CSMD1: variants seen among roughly 807,000 people sequenced by gnomAD.
The protein encoded by CSMD1 is CUB and sushi domain-containing protein 1.
A neutral mutation model predicts 417.5 loss-of-function variants in CSMD1; 213 were observed. The ratio of observed to expected loss-of-function variants is 0.51; its 90% confidence interval spans 0.46 to 0.57. CSMD1 has a LOEUF of 0.57. CSMD1 is among the 20% of genes least tolerant of loss of function. CSMD1 has a pLI of 0.00. For synonymous variants in CSMD1, 2,862 were observed against 1,736.8 expected, an observed-to-expected ratio of 1.65 and a Z score of -16.11; for missense variants, 6,923 against 4,529.7, an observed-to-expected ratio of 1.53 and a Z score of -15.17.
chr8:4,838,743 A>G (rs1800655801), intron 1 of CSMD1, among the ~76,000 whole-genome samples: 1 of 152,170 alleles, frequency 6.6e-6, no homozygotes, highest in South Asian at 2.1e-4. Flanking sequence ...ATCGGCTCAA[A>G]TGAAGACTAA....
chr8:4,499,154 C>T (rs1020993530), intron 2 of CSMD1, among the ~76,000 whole-genome samples: 4 of 152,120 alleles, frequency 2.6e-5, no homozygotes, highest in Non-Finnish European at 4.4e-5. Context: ...ACAAAACCAA[C>T]AGGAAGATGC....
chr8:3,851,288 G>T (rs1284577972), intron 5 of CSMD1, among the ~76,000 whole-genome samples: 1 of 152,182 alleles, frequency 6.6e-6, no homozygotes, highest in East Asian at 1.9e-4. Flanking sequence ...TTTAGGGACT[G>T]GTCTTTTCAT....
intron 12 of CSMD1, among the ~76,000 whole-genome samples, chr8:3,462,551 C>A (rs1816571884): frequency 6.6e-6 from 1 of 152,216 alleles, no homozygotes. Context: ...ACCTGATGAT[C>A]TGTCACTGTC....
At chr8:4,758,629 A>G (rs1231144699) in intron 1 of CSMD1, among the ~76,000 whole-genome samples, 1 of 152,186 alleles carries the variant, frequency 6.6e-6, no homozygotes, top group Non-Finnish European at 1.5e-5. Flanking sequence ...TCAGTTCCAC[A>G]TGGCTGGGGA....
chr8:4,617,629 C>G (rs965613255), intron 2 of CSMD1, among the ~76,000 whole-genome samples: 6 of 152,154 alleles, frequency 3.9e-5, no homozygotes, highest in African/African-American at 1.2e-4. Flanking sequence ...ACTGGAAATA[C>G]TCTTCCCAGA....
intron 33 of CSMD1, among the ~76,000 whole-genome samples, chr8:3,192,345 T>G (rs1157545428): frequency 6.6e-6 from 1 of 152,194 alleles, no homozygotes; most frequent in Non-Finnish European, 1.5e-5. Flanking sequence ...AATATTTGCA[T>G]AAACATAATG....
At chr8:4,155,931 C>G (rs540235460) in intron 3 of CSMD1, among the ~76,000 whole-genome samples, 4 of 152,194 alleles carry the variant, frequency 2.6e-5, no homozygotes, top group East Asian at 1.9e-4. Flanking sequence ...AATGCACAGC[C>G]CAGGTGTTCT....
At chr8:4,354,864 T>C (rs1801309031) in intron 3 of CSMD1, among the ~76,000 whole-genome samples, 1 of 78,440 alleles carries the variant, frequency 1.3e-5, no homozygotes. Flanking sequence ...GAGGAAAATG[T>C]AGTGTGTGTG....
chr8:3,079,903 T>A (rs1033319394), intron 49 of CSMD1, among the ~76,000 whole-genome samples: 4 of 152,124 alleles, frequency 2.6e-5, no homozygotes, highest in African/African-American at 9.7e-5. Flanking sequence ...CTCTGTCCCC[T>A]CCACCCAGCT....
intron 7 of CSMD1, among the ~76,000 whole-genome samples, chr8:3,677,553 C>A (rs531209694): frequency 6.6e-5 from 10 of 152,154 alleles, no homozygotes; most frequent in Admixed American, 2.6e-4. Flanking sequence ...CGAGAGGCAC[C>A]CAGAAGGGTT....
At chr8:4,134,425 A>T (rs1585389716) in intron 3 of CSMD1, among the ~76,000 whole-genome samples, 1 of 152,162 alleles carries the variant, frequency 6.6e-6, no homozygotes, top group East Asian at 1.9e-4. Flanking sequence ...ACAGAGGGAG[A>T]AGACAGGTGT....
intron 25 of CSMD1, among the ~76,000 whole-genome samples, chr8:3,291,211 G>A (rs1803532446): frequency 6.6e-6 from 1 of 152,122 alleles, no homozygotes; most frequent in Admixed American, 6.5e-5. Flanking sequence ...TTGATGTATT[G>A]CTGGATTCCA....
intron 3 of CSMD1, among the ~76,000 whole-genome samples, chr8:4,402,580 T>C (rs763843942): frequency 1.3e-5 from 2 of 152,176 alleles, no homozygotes; most frequent in African/African-American, 2.4e-5. Flanking sequence ...GAGACTTTTA[T>C]AGAAGATGCT....
chr8:3,700,611 G>C (rs927077055), intron 7 of CSMD1: 12 of 152,162 alleles, frequency 7.9e-5, no homozygotes, highest in African/African-American at 2.9e-4. Flanking sequence ...TAGTTAGGGT[G>C]ATCAGTGACA....
chr8:3,270,366 C>G (rs1207850957), intron 26 of CSMD1, among the ~76,000 whole-genome samples: 1 of 152,038 alleles, frequency 6.6e-6, no homozygotes, highest in African/African-American at 2.4e-5. Flanking sequence ...TTTCCATCCT[C>G]TTACTAGACA....
intron 49 of CSMD1, among the ~76,000 whole-genome samples, chr8:3,079,111 C>CACAGT (rs1167931597): frequency 6.6e-6 from 1 of 152,184 alleles, no homozygotes; most frequent in Non-Finnish European, 1.5e-5. Context: ...AACTGCACTG[C>CACAGT]ACAGTACTGT....
chr8:3,314,754 C>A (rs1301763856), intron 23 of CSMD1, among the ~76,000 whole-genome samples: 1 of 151,972 alleles, frequency 6.6e-6, no homozygotes, highest in Non-Finnish European at 1.5e-5. Context: ...TCCTATGTAT[C>A]TTCTAACAAT....
At chr8:4,766,408 G>C (rs1205950833) in intron 1 of CSMD1, among the ~76,000 whole-genome samples, 2 of 152,182 alleles carry the variant, frequency 1.3e-5, no homozygotes, top group African/African-American at 2.4e-5. Context: ...CCAAAGCCGT[G>C]AGACAGAGTT....
intron 5 of CSMD1, among the ~76,000 whole-genome samples, chr8:3,798,435 G>C (rs1184768891): frequency 6.6e-6 from 1 of 151,954 alleles, no homozygotes; most frequent in Non-Finnish European, 1.5e-5. Context: ...CAGTTTCACT[G>C]ATATACTCAT....
Sources: allele counts gnomAD v4.1 joint callset (sites outside exome capture counted in the v4.1 genomes callset), GRCh38; gene constraint gnomAD v4.1.1; transcripts MANE v1.5; gene names NCBI Gene and HGNC (gene_info 2026-07-23, HGNC 2026-07-21).